Variants in TENM2 observed in about 807,000 individuals in gnomAD.
TENM2 encodes the protein teneurin transmembrane protein 2, also known as teneurin-2.
In TENM2, 52 loss-of-function variants were observed where a neutral mutation model predicts 245.2. That is an observed-to-expected ratio of 0.21 (90% CI 0.17 to 0.27). The LOEUF (loss-of-function observed/expected upper bound fraction) is 0.27. Ranked by LOEUF, TENM2 falls within the 10% of genes least tolerant of loss-of-function variation. TENM2 has a pLI of 1.00. For missense variants in TENM2, 3,046 were observed against 3,666.8 expected (o/e 0.83, Z 4.37); for synonymous variants, 1,363 against 1,438.9 (o/e 0.95, Z 1.19).
intron 1 of TENM2, among the ~76,000 whole-genome samples, chr5:167,286,906 A>G (rs1338476027): frequency 6.6e-6 from 1 of 152,122 alleles, no homozygotes; most frequent in African/African-American, 2.4e-5. Flanking sequence ...GTTCCCCTCC[A>G]TTGATAATAA....
chr5:168,139,228 T>G (rs745391644), intron 12 of TENM2, among the ~76,000 whole-genome samples: 2 of 152,250 alleles, frequency 1.3e-5, no homozygotes, highest in Non-Finnish European at 2.9e-5. Flanking sequence ...TCTTCCACAA[T>G]GGAGGAAACT....
At chr5:168,246,731 G>A (rs1766607144) in intron 26 of TENM2, 26 bp from the exon 29 acceptor site, 3 of 1,606,962 alleles carry the variant, frequency 1.9e-6, no homozygotes, top group Non-Finnish European at 2.6e-6. Flanking sequence ...CAACTGATAT[G>A]TTCTGTTCCC....
chr5:167,900,098 G>T (rs1233519286), intron 3 of TENM2, among the ~76,000 whole-genome samples: 1 of 103,532 alleles, frequency 9.7e-6, no homozygotes, highest in African/African-American at 4.2e-5. Context: ...TTCTGTCTGT[G>T]CCCTCAACCC....
At chr5:167,230,373 C>G in the TENM2 span, among the ~76,000 whole-genome samples, 1 of 152,160 alleles carries the variant, frequency 6.6e-6, no homozygotes, top group Non-Finnish European at 1.5e-5. Context: ...CCTCGCTTCC[C>G]TCTCCTTCCT....
intron 2 of TENM2, among the ~76,000 whole-genome samples, chr5:167,514,493 CTTGGTTAGAAAT>C (rs1202937944): frequency 6.6e-6 from 1 of 152,196 alleles, no homozygotes; most frequent in African/African-American, 2.4e-5. Flanking sequence ...TGGTTCGAAA[CTTGGTTAGAAAT>C]ACCAGGATCC....
chr5:167,619,036 C>T (rs921412975), intron 2 of TENM2, among the ~76,000 whole-genome samples: 2 of 152,072 alleles, frequency 1.3e-5, no homozygotes, highest in African/African-American at 4.8e-5. Context: ...TCTAGGAGCA[C>T]TCACTACTCA....
intron 2 of TENM2, among the ~76,000 whole-genome samples, chr5:167,547,299 G>A (rs186497656): frequency 2.6e-4 from 39 of 152,200 alleles, no homozygotes; most frequent in Admixed American, 2.1e-3. Flanking sequence ...TCGAACACCT[G>A]ACCTCAGATG....
At chr5:167,754,665 T>G (rs1374328161) in intron 2 of TENM2, among the ~76,000 whole-genome samples, 1 of 151,084 alleles carries the variant, frequency 6.6e-6, no homozygotes, top group Non-Finnish European at 1.5e-5. Flanking sequence ...ACAACAGAAA[T>G]TGTGCATTCC....
chr5:167,541,110 A>G (rs1378656601), intron 2 of TENM2, among the ~76,000 whole-genome samples: 1 of 152,186 alleles, frequency 6.6e-6, no homozygotes, highest in African/African-American at 2.4e-5. Context: ...TTGTGCTTCT[A>G]ATATTATAGG....
At chr5:167,192,343 A>G in the TENM2 span, among the ~76,000 whole-genome samples, 1 of 152,034 alleles carries the variant, frequency 6.6e-6, no homozygotes, top group African/African-American at 2.4e-5. Flanking sequence ...AGGGTAAGGG[A>G]ATTCCTTAAA....
chr5:168,250,389 A>G (rs898995687), intron 27 of TENM2, among the ~76,000 whole-genome samples: 2 of 152,124 alleles, frequency 1.3e-5, no homozygotes, highest in African/African-American at 4.8e-5. Context: ...TGCTTTGTAT[A>G]GAGAAACAAT....
intron 2 of TENM2, among the ~76,000 whole-genome samples, chr5:167,737,946 A>G (rs1198654911): frequency 2.6e-5 from 4 of 152,250 alleles, no homozygotes; most frequent in Non-Finnish European, 4.4e-5. Flanking sequence ...GCTGATCCCT[A>G]TCACTCTGAG....
At chr5:168,103,323 G>A (rs541811113) in intron 9 of TENM2, among the ~76,000 whole-genome samples, 48 of 152,110 alleles carry the variant, frequency 3.2e-4, no homozygotes, top group Non-Finnish European at 4.0e-4. Context: ...TTAAATTTCC[G>A]TAACTCAAAG....
chr5:167,422,165 G>T (rs532792595), intron 2 of TENM2, among the ~76,000 whole-genome samples: 1 of 152,112 alleles, frequency 6.6e-6, no homozygotes, highest in Non-Finnish European at 1.5e-5. Context: ...AGTAAACGTC[G>T]TATTTGTTTG....
intron 2 of TENM2, among the ~76,000 whole-genome samples, chr5:167,871,871 G>A (rs1282784222): frequency 6.6e-6 from 1 of 152,160 alleles, no homozygotes; most frequent in Non-Finnish European, 1.5e-5. Flanking sequence ...GCCTGTAGAA[G>A]TTTCAGTTTT....
intron 6 of TENM2, among the ~76,000 whole-genome samples, chr5:168,058,441 T>G (rs916201820): frequency 2.0e-5 from 3 of 152,164 alleles, no homozygotes; most frequent in African/African-American, 7.2e-5. Flanking sequence ...GTACAATACC[T>G]AACAACATCT....
intron 2 of TENM2, among the ~76,000 whole-genome samples, chr5:167,629,308 A>G (rs1778715065): frequency 6.6e-6 from 1 of 152,200 alleles, no homozygotes; most frequent in Non-Finnish European, 1.5e-5. Flanking sequence ...TTTCTGTAAA[A>G]TGAGGCTATT....
chr5:168,057,125 AGT>A (rs1215296759), intron 6 of TENM2, among the ~76,000 whole-genome samples: 2 of 152,188 alleles, frequency 1.3e-5, no homozygotes, highest in Non-Finnish European at 2.9e-5. Flanking sequence ...TCTTTCCAAA[AGT>A]GTAATTCAGT....
At chr5:168,223,116 G>A (rs537334557) in intron 23 of TENM2, among the ~76,000 whole-genome samples, 14 of 152,328 alleles carry the variant, frequency 9.2e-5, no homozygotes, top group African/African-American at 3.1e-4. Context: ...GGAGGCAGCC[G>A]AATCTTCTTA....
Sources: allele counts gnomAD v4.1 joint callset (sites outside exome capture counted in the v4.1 genomes callset), GRCh38; gene constraint gnomAD v4.1.1; transcripts MANE v1.5; gene names NCBI Gene and HGNC (gene_info 2026-07-23, HGNC 2026-07-21).